Variants in ATP9B observed in about 807,000 individuals in gnomAD.
The protein encoded by ATP9B is ATPase phospholipid transporting 9B.
ATP9B carries 110 observed loss-of-function variants against 146.1 expected under a neutral mutation model. The observed-to-expected ratio is 0.75, with a 90% CI of 0.65 to 0.88. ATP9B has a LOEUF of 0.88. ATP9B is among the 40% of genes least tolerant of loss of function. The probability of loss-of-function intolerance (pLI) is 0.00; values close to 1 mark genes in which losing one functional copy is unlikely to be tolerated. For synonymous variants in ATP9B, 604 were observed against 569.7 expected (o/e 1.06, Z -0.86); for missense variants, 1,499 against 1,496.4 (o/e 1.00, Z -0.03).
intron 7 of ATP9B, among the ~76,000 whole-genome samples, chr18:79,168,373 A>AT (rs1260607779): frequency 5.5e-5 from 7 of 126,598 alleles, no homozygotes; most frequent in South Asian, 2.7e-4. Flanking sequence ...TTTGTTTTTG[A>AT]TTTTGTTTTT....
intron 12 of ATP9B, among the ~76,000 whole-genome samples, chr18:79,258,601 C>A (rs2096108642): frequency 6.6e-6 from 1 of 152,188 alleles, no homozygotes; most frequent in Non-Finnish European, 1.5e-5. Context: ...TCTGTGTATC[C>A]TTTTCTAGTG....
intron 2 of ATP9B, among the ~76,000 whole-genome samples, chr18:79,100,023 G>A (rs2075138300): frequency 6.6e-6 from 1 of 152,126 alleles, no homozygotes. Context: ...TATGCGGGAG[G>A]CTGAGGCACA....
intron 5 of ATP9B, among the ~76,000 whole-genome samples, chr18:79,136,735 G>T (rs2094452060): frequency 6.6e-6 from 1 of 152,070 alleles, no homozygotes; most frequent in African/African-American, 2.4e-5. Context: ...GTGTTAGTCT[G>T]TTCTCACGCT....
At chr18:79,300,941 TC>T (rs1021339716) in intron 13 of ATP9B, among the ~76,000 whole-genome samples, 1 of 152,180 alleles carries the variant, frequency 6.6e-6, no homozygotes, top group Non-Finnish European at 1.5e-5. Flanking sequence ...TCATTACGAT[TC>T]CCCACCCTAA....
At chr18:79,362,357 A>C (rs963785207) in intron 26 of ATP9B, 1 of 152,234 alleles carries the variant, frequency 6.6e-6, no homozygotes, top group African/African-American at 2.4e-5. Context: ...CTGTTAAGTA[A>C]GTATTTGATA....
chr18:79,345,159 C>T (rs925372391), intron 21 of ATP9B, among the ~76,000 whole-genome samples: 1 of 152,168 alleles, frequency 6.6e-6, no homozygotes, highest in Admixed American at 6.5e-5. Flanking sequence ...TGTCGTAGCT[C>T]AAATCATGGA....
chr18:79,078,308 T>C (rs1393344250), intron 1 of ATP9B, among the ~76,000 whole-genome samples: 1 of 152,166 alleles, frequency 6.6e-6, no homozygotes, highest in East Asian at 1.9e-4. Context: ...GTCTATTACT[T>C]TTCTGGTTGC....
At chr18:79,352,898 C>T (rs2096929931) in intron 25 of ATP9B, 1 of 152,248 alleles carries the variant, frequency 6.6e-6, no homozygotes. Flanking sequence ...AAAAGGCAGA[C>T]AAGAGTAAAA....
chr18:79,333,723 G>A (rs2096804141), intron 17 of ATP9B, among the ~76,000 whole-genome samples: 1 of 152,038 alleles, frequency 6.6e-6, no homozygotes, highest in South Asian at 2.1e-4. Context: ...GTGTCATGGT[G>A]GCAGGGCAGG....
At chr18:79,236,653 A>G (rs2095843856) in intron 11 of ATP9B, among the ~76,000 whole-genome samples, 2 of 152,238 alleles carry the variant, frequency 1.3e-5, no homozygotes, top group South Asian at 4.1e-4. Flanking sequence ...GTGGATTTCC[A>G]GTTGACCCAG....
intron 13 of ATP9B, among the ~76,000 whole-genome samples, chr18:79,290,722 C>T (rs2096494879): frequency 6.6e-6 from 1 of 152,242 alleles, no homozygotes; most frequent in South Asian, 2.1e-4. Flanking sequence ...ACGCTGGGAG[C>T]TGTAGACTGG....
chr18:79,236,166 G>T (rs949053239), intron 11 of ATP9B, among the ~76,000 whole-genome samples: 1 of 152,130 alleles, frequency 6.6e-6, no homozygotes, highest in African/African-American at 2.4e-5. Flanking sequence ...TCTATCTTAC[G>T]TTATTTTAAT....
chr18:79,236,766 C>T (rs1279320822), intron 11 of ATP9B, among the ~76,000 whole-genome samples: 10 of 139,440 alleles, frequency 7.2e-5, no homozygotes, highest in Admixed American at 2.1e-4. Context: ...GGTCCGTGCA[C>T]GAGTCAGTGT....
intron 12 of ATP9B, among the ~76,000 whole-genome samples, chr18:79,270,282 A>G (rs1389561792): frequency 6.6e-6 from 1 of 151,750 alleles, no homozygotes; most frequent in East Asian, 1.9e-4. Flanking sequence ...GCACACATTC[A>G]TCTATTCTAT....
intron 13 of ATP9B, among the ~76,000 whole-genome samples, chr18:79,295,481 A>T (rs575599501): frequency 1.3e-5 from 2 of 152,348 alleles, no homozygotes; most frequent in South Asian, 4.1e-4. Flanking sequence ...ATTATGTCTG[A>T]GGGCAGAATG....
Position 79,326,412 on chromosome 18 carries a change from G to A in ATP9B, c.1774-2729G>A, listed in dbSNP as rs111485511. Among the ~76,000 whole-genome samples the A allele has an allele frequency of 9.6e-4, 117 of 122,096 alleles. 2 individuals are homozygous for A. The highest frequency in any genetic ancestry group is 4.6e-3 in the Middle Eastern group (1 of 218). 80.1% of individuals were successfully genotyped at this position (122,096 alleles called of 152,430 possible). On this transcript the variant is annotated intron_variant, in intron 15 of 29. Coordinates refer to ENST00000426216, the MANE Select transcript of ATP9B (RefSeq NM_198531.5). ...CACATGGTGTTAGGGTGTCATCTCT[G>A]TACCCTCCCTCCCCTCACATGGTGT... is the stretch of plus-strand genomic sequence containing the variant.
chr18:79,342,007 T>C (rs2096862057), intron 19 of ATP9B, among the ~76,000 whole-genome samples: 1 of 152,244 alleles, frequency 6.6e-6, no homozygotes, highest in African/African-American at 2.4e-5. Flanking sequence ...TCATACAGTA[T>C]TTGTCCTTTT....
intron 17 of ATP9B, among the ~76,000 whole-genome samples, chr18:79,332,187 T>TG (rs1428749039): frequency 2.0e-5 from 3 of 152,346 alleles, no homozygotes; most frequent in African/African-American, 7.2e-5. Context: ...GCCAGCACTT[T>TG]GGGAGGCCAA....
intron 13 of ATP9B, among the ~76,000 whole-genome samples, chr18:79,291,907 C>T (rs1472012747): frequency 3.9e-5 from 6 of 152,230 alleles, no homozygotes; most frequent in Admixed American, 6.5e-5. Context: ...CCCCTTCCAT[C>T]GCCCGTGCCC....
Sources: allele counts gnomAD v4.1 joint callset (sites outside exome capture counted in the v4.1 genomes callset), GRCh38; gene constraint gnomAD v4.1.1; transcripts MANE v1.5; gene names NCBI Gene and HGNC (gene_info 2026-07-23, HGNC 2026-07-21).